Variants in PRIM2 observed in about 807,000 individuals in gnomAD.
The protein encoded by PRIM2 is DNA primase subunit 2.
PRIM2 carries 39 observed loss-of-function variants against 67.3 expected under a neutral mutation model. That is an observed-to-expected ratio of 0.58 (90% CI 0.45 to 0.76). PRIM2 has a LOEUF of 0.76. Among genes scored for constraint, PRIM2 ranks in the 30% least tolerant of loss-of-function variants. The pLI, the probability that PRIM2 is intolerant of heterozygous loss-of-function variation, is 0.00. For synonymous variants in PRIM2, 143 were observed against 198.7 expected, an observed-to-expected ratio of 0.72 and a Z score of 2.36; for missense variants, 398 against 598.7, an observed-to-expected ratio of 0.66 and a Z score of 3.50.
intron 12 of PRIM2, among the ~76,000 whole-genome samples, chr6:57,614,265 C>T (rs1776715428): frequency 2.0e-5 from 3 of 152,222 alleles, no homozygotes; most frequent in Non-Finnish European, 2.9e-5. Flanking sequence ...TGAGGTGAAA[C>T]AGTTTCATCC....
the PRIM2 span, among the ~76,000 whole-genome samples, chr6:57,280,865 T>A: frequency 6.6e-6 from 1 of 152,196 alleles, no homozygotes; most frequent in East Asian, 1.9e-4. Context: ...ATATATAATT[T>A]ACCACCTTTA....
At chr6:57,349,897 A>C (rs1441071747) in intron 5 of PRIM2, among the ~76,000 whole-genome samples, 1 of 152,190 alleles carries the variant, frequency 6.6e-6, no homozygotes, top group Non-Finnish European at 1.5e-5. Flanking sequence ...TTTTTGTAAA[A>C]ACAAAAAAAA....
At chr6:57,272,873 G>T in the PRIM2 span, among the ~76,000 whole-genome samples, 2 of 152,074 alleles carry the variant, frequency 1.3e-5, no homozygotes, top group Non-Finnish European at 2.9e-5. Context: ...TTTTATTTCT[G>T]CTTCACTTAT....
At chr6:57,472,452 G>A (rs1773361028) in intron 7 of PRIM2, among the ~76,000 whole-genome samples, 2 of 151,984 alleles carry the variant, frequency 1.3e-5, no homozygotes, top group South Asian at 2.1e-4. Flanking sequence ...GGCAAACTGA[G>A]TCTCCTAAAG....
At chr6:57,395,905 T>G (rs550772816) in intron 7 of PRIM2, among the ~76,000 whole-genome samples, 1 of 152,302 alleles carries the variant, frequency 6.6e-6, no homozygotes, top group East Asian at 1.9e-4. Flanking sequence ...TTGATTTTGT[T>G]TTTGACCCAA....
Position 57,641,523 on chromosome 6 carries a change from G to C in PRIM2, c.1300-4405G>C, listed in dbSNP as rs1176437650. 3.9e-5 allele frequency among the ~76,000 whole-genome samples: 6 copies of C among 152,160 alleles called. No individual in the cohort carries two copies. The South Asian group carries it at 1.2e-3, about 32-fold the overall frequency. On this transcript the variant is annotated intron_variant, in intron 13 of 13. Coordinates refer to ENST00000615550, the MANE Select transcript of PRIM2 (RefSeq NM_000947.5). ...AGGGCTAATATCCAGAATCTACAAA[G>C]AACTTAAATTTACAAGAAACAAACA...
intron 9 of PRIM2, among the ~76,000 whole-genome samples, chr6:57,535,642 A>G (rs1225232666): frequency 3.3e-5 from 5 of 152,160 alleles, no homozygotes; most frequent in African/African-American, 1.2e-4. Flanking sequence ...AGGTGGGAGG[A>G]TCACCTGAGG....
At chr6:57,227,186 T>C in the PRIM2 span, among the ~76,000 whole-genome samples, 1 of 152,204 alleles carries the variant, frequency 6.6e-6, no homozygotes, top group Admixed American at 6.5e-5. Flanking sequence ...ACTAGACAAC[T>C]CTCTGACTTT....
intron 7 of PRIM2, among the ~76,000 whole-genome samples, chr6:57,430,447 G>GTTTTTTTTTTTTTTTTTT (rs71687266): frequency 1.3e-5 from 1 of 78,136 alleles, no homozygotes; most frequent in East Asian, 4.7e-4. Context: ...TTCTTTCTTT[G>GTTTTTTTTTTTTTTTTTT]TTTTTTTTTT....
At chr6:57,600,573 C>G (rs1398467642) in intron 10 of PRIM2, among the ~76,000 whole-genome samples, 2 of 152,012 alleles carry the variant, frequency 1.3e-5, no homozygotes, top group Non-Finnish European at 2.9e-5. Context: ...CCAGGCTGGT[C>G]TTGAACTCCT....
the PRIM2 span, among the ~76,000 whole-genome samples, chr6:57,241,735 C>G: frequency 8.5e-5 from 11 of 129,746 alleles, no homozygotes; most frequent in East Asian, 1.6e-3. Context: ...TGCAGTGGCA[C>G]GATCTCGGCT....
chr6:57,319,381 AT>A (rs1046091637), intron 2 of PRIM2, among the ~76,000 whole-genome samples: 5 of 152,248 alleles, frequency 3.3e-5, no homozygotes, highest in Admixed American at 1.3e-4. Flanking sequence ...CTGTGGGGAA[AT>A]CAGAAGGAAA....
At chr6:57,561,538 G>A (rs1366713491) in intron 10 of PRIM2, among the ~76,000 whole-genome samples, 7 of 152,070 alleles carry the variant, frequency 4.6e-5, no homozygotes, top group South Asian at 2.1e-4. Flanking sequence ...CAGCCAATTC[G>A]CTCAAACTTT....
chr6:57,641,207 C>T lies in PRIM2; in HGVS notation c.1300-4721C>T, dbSNP rs1777227150. Among the ~76,000 whole-genome samples the T allele has an allele frequency of 2.6e-5, 4 of 152,004 alleles. No homozygotes were observed. In the South Asian group the frequency reaches 8.3e-4, roughly 32 times the overall value. ...CCATATGCAGAAAACTGAAACTGGA[C>T]CCCTTCCTTACACCTTATACAAAAA... On this transcript the variant is annotated intron_variant, in intron 13 of 13. Transcript: ENST00000615550.
At chr6:57,260,687 T>C in the PRIM2 span, among the ~76,000 whole-genome samples, 1 of 152,158 alleles carries the variant, frequency 6.6e-6, no homozygotes, top group Admixed American at 6.5e-5. Context: ...TGCATGGTTG[T>C]TGGAAATGGG....
chr6:57,524,429 C>T (rs1554349175), intron 8 of PRIM2, among the ~76,000 whole-genome samples: 1 of 152,096 alleles, frequency 6.6e-6, no homozygotes, highest in Admixed American at 6.5e-5. Context: ...TGGCTGGGCA[C>T]GGTGGCTCAC....
intron 7 of PRIM2, among the ~76,000 whole-genome samples, chr6:57,458,637 G>A (rs1772890593): frequency 6.6e-6 from 1 of 152,126 alleles, no homozygotes; most frequent in Non-Finnish European, 1.5e-5. Flanking sequence ...GTGAGCCGAG[G>A]TTGCGCCATT....
At chr6:57,425,807 T>C (rs1771603523) in intron 7 of PRIM2, among the ~76,000 whole-genome samples, 1 of 152,128 alleles carries the variant, frequency 6.6e-6, no homozygotes, top group African/African-American at 2.4e-5. Context: ...CTCTCAGATA[T>C]AGTGTACCTT....
chr6:57,236,874 A>T, the PRIM2 span, among the ~76,000 whole-genome samples: 1 of 152,224 alleles, frequency 6.6e-6, no homozygotes, highest in Non-Finnish European at 1.5e-5. Context: ...CGCAATGAAC[A>T]TACTTGTGCA....
Sources: gnomAD v4.1 joint callset for allele counts (sites outside exome capture counted in the v4.1 genomes callset) on GRCh38, gnomAD v4.1.1 for gene constraint, MANE v1.5 for transcripts, NCBI Gene and HGNC (gene_info 2026-07-23, HGNC 2026-07-21) for gene names.